TTLL1: variants seen among roughly 807,000 people sequenced by gnomAD.
TTLL1 encodes TTL family tubulin polyglutamylase complex subunit L1.
A neutral mutation model predicts 47.8 loss-of-function variants in TTLL1; 33 were observed. That is an observed-to-expected ratio of 0.69 (90% CI 0.52 to 0.92). The LOEUF (loss-of-function observed/expected upper bound fraction) is 0.92. Ranked by LOEUF, TTLL1 falls within the 40% of genes least tolerant of loss-of-function variation. TTLL1 has a pLI of 0.00. For missense variants in TTLL1, 488 were observed against 547.5 expected (o/e 0.89, Z 1.08); for synonymous variants, 225 against 214.1 (o/e 1.05, Z -0.45).
In TTLL1 at chr22:43,046,379, A is replaced by G. The variant is rs561672917; in HGVS notation, c.1142+31T>C. On this transcript the variant is annotated intron_variant, in intron 10 of 10. Coordinates refer to ENST00000266254, the MANE Select transcript of TTLL1 (RefSeq NM_012263.5). ...GGCACACGCCATTCGGAAACACAGA[A>G]GGACAAGCGCACAGTCACACACACA... 84 of 1,608,710 alleles carry G rather than the reference A, an allele frequency of 5.2e-5. 1 individual carries two copies. The Middle Eastern group carries it at 8.3e-4, about 16-fold the overall frequency.
At chr22:43,089,173 T>C (rs988132386) in intron 1 of TTLL1, 104 bp downstream of exon 1, 1 of 152,176 alleles carries the variant, frequency 6.6e-6, no homozygotes, top group Non-Finnish European at 1.5e-5. Context: ...CGCAGCCGCG[T>C]AGACACTGGC....
At chr22:43,071,702 G>A (rs551954216) in intron 3 of TTLL1, among the ~76,000 whole-genome samples, 3 of 152,334 alleles carry the variant, frequency 2.0e-5, no homozygotes, top group East Asian at 1.9e-4. Context: ...GAGCCACCAT[G>A]CCGGCCTATA....
Position 43,039,821 on chromosome 22 carries a change from G to T in TTLL1, c.1227C>A (p.Gly409=), listed in dbSNP as rs746533335. The T allele has an allele frequency of 3.8e-5, 62 of 1,613,898 alleles. No individual in the cohort carries two copies. In the South Asian group the frequency reaches 6.3e-4, roughly 16 times the overall value. ...CCGCTCTCCCCGAGTCTCTCGATCG[G>T]CCTGCTCTGGGCCCCAGAGACTGAC... ...RQGQSLGPRA[G]RSRDSGRAVL... The change falls in exon 11 of 11, where the codon GGC becomes GGA. Residue 409 remains glycine (G), a synonymous_variant. Coordinates refer to ENST00000266254, the MANE Select transcript of TTLL1 (RefSeq NM_012263.5).
At chr22:43,046,352 A>G in intron 10 of TTLL1, 58 bp downstream of exon 10, 1 of 1,595,974 alleles carries the variant, frequency 6.3e-7, no homozygotes, top group Non-Finnish European at 8.6e-7. Context: ...AAGCTGGGCT[A>G]TGGCACACGC....
intron 3 of TTLL1, among the ~76,000 whole-genome samples, chr22:43,071,087 T>C (rs548019183): frequency 1.6e-4 from 24 of 152,108 alleles, no homozygotes; most frequent in South Asian, 4.2e-4. Flanking sequence ...TAAATTTTTA[T>C]AATTTTTTTT....
intron 8 of TTLL1, among the ~76,000 whole-genome samples, chr22:43,053,835 G>C (rs915640281): frequency 6.6e-6 from 1 of 152,256 alleles, no homozygotes; most frequent in African/African-American, 2.4e-5. Flanking sequence ...GCACCTGCCA[G>C]AGGGCCAGGC....
At chr22:43,072,303 G>A (rs1416871460) in intron 3 of TTLL1, among the ~76,000 whole-genome samples, 2 of 151,514 alleles carry the variant, frequency 1.3e-5, no homozygotes, top group African/African-American at 4.9e-5. Context: ...ACCGGCACTC[G>A]CCACCACGCC....
At chr22:43,079,437 G>A (rs1928738957) in intron 2 of TTLL1, among the ~76,000 whole-genome samples, 1 of 152,234 alleles carries the variant, frequency 6.6e-6, no homozygotes, top group Admixed American at 6.5e-5. Context: ...CACACCCGCA[G>A]ACACGGGGCC....
rs189658737 is a variant in TTLL1, at chr22:43,042,390, G to C, written c.1143-2485C>G. 1.9e-3 allele frequency among the ~76,000 whole-genome samples: 297 copies of C among 152,370 alleles called. 2 individuals carry two copies. The highest frequency in any genetic ancestry group is 6.8e-3 in the Middle Eastern group (2 of 294). The stretch of plus-strand genomic sequence containing the variant: ...CAACGCAGAGGAGAATCAGAGCCAA[G>C]ATGGCTCTTCGAAGTTCCTGTTCTA... On this transcript the variant is annotated intron_variant, in intron 10 of 10. Transcript: ENST00000266254.
intron 7 of TTLL1, among the ~76,000 whole-genome samples, chr22:43,062,549 G>A (rs115284126): frequency 0.011 from 1,659 of 151,694 alleles, 34 homozygotes; most frequent in African/African-American, 0.038. Flanking sequence ...ATTATTTAAC[G>A]CCAGGCGCAG....
At position 43,064,304 on chromosome 22, in the gene TTLL1, T is replaced by C; in HGVS notation, c.524A>G (p.Lys175Arg). ...KTSSFVSQSNKEAYVISLYIN... is the reference protein window; with the variant it reads ...KTSSFVSQSNREAYVISLYIN... ...ATAGAGAGAGATCACGTAGGCTTCC[T>C]TATTAGATTGAGACACAAACCTAAA... Residue 175 changes from lysine to arginine, a missense_variant, in exon 6 of 11, where the codon AAG (lysine) becomes AGG (arginine). Lys to Arg is a conservative substitution (Grantham distance 26). Transcript: ENST00000266254. The C allele has an allele frequency of 6.2e-7, 1 of 1,612,590 alleles. No homozygotes were observed. The highest frequency in any genetic ancestry group is 8.5e-7 in the Non-Finnish European group (1 of 1,179,640).
chr22:43,088,743 AATG>A (rs1276039491), intron 1 of TTLL1, among the ~76,000 whole-genome samples: 4 of 152,178 alleles, frequency 2.6e-5, no homozygotes, highest in Non-Finnish European at 4.4e-5. Flanking sequence ...AAGGGCTAAC[AATG>A]ATAAGATACT....
chr22:43,075,691 T>G, intron 2 of TTLL1, 101 bp from the exon 3 acceptor site: 7 of 971,908 alleles, frequency 7.2e-6, no homozygotes, highest in South Asian at 1.4e-5. Context: ...AAACTCGATC[T>G]TACCCCGGCA....
At chr22:43,081,066 T>G (rs927274108) in intron 1 of TTLL1, among the ~76,000 whole-genome samples, 5 of 151,478 alleles carry the variant, frequency 3.3e-5, no homozygotes, top group African/African-American at 1.2e-4. Flanking sequence ...CAGGAGCCCA[T>G]CACCACGCCT....
intron 7 of TTLL1, among the ~76,000 whole-genome samples, chr22:43,063,472 T>TC (rs1927520503): frequency 1.3e-5 from 2 of 151,962 alleles, no homozygotes; most frequent in South Asian, 4.2e-4. Flanking sequence ...CTTTTTTTTT[T>TC]TTTTTTCTTT....
chr22:43,065,735 C>T (rs760401396), intron 5 of TTLL1, among the ~76,000 whole-genome samples: 1 of 152,054 alleles, frequency 6.6e-6, no homozygotes, highest in East Asian at 1.9e-4. Flanking sequence ...TGCCACGACA[C>T]CCAGCTAATC....
intron 3 of TTLL1, 198 bp from the exon 4 acceptor site, chr22:43,070,042 G>T: frequency 8.5e-7 from 1 of 1,182,798 alleles, no homozygotes; most frequent in East Asian, 2.6e-5. Context: ...CCCAAGTGGT[G>T]TGAGGGCCAG....
intron 9 of TTLL1, among the ~76,000 whole-genome samples, chr22:43,048,472 CAAA>C (rs35821474): frequency 1.7e-4 from 22 of 131,532 alleles, no homozygotes; most frequent in East Asian, 4.5e-4. Context: ...CCATCTCTAC[CAAA>C]AAAAAAAAAA....
At chr22:43,068,162 C>A (rs1194823081) in intron 5 of TTLL1, among the ~76,000 whole-genome samples, 1 of 150,124 alleles carries the variant, frequency 6.7e-6, no homozygotes, top group Non-Finnish European at 1.5e-5. Flanking sequence ...TAAAAAAATA[C>A]AAAAATTAGC....
Sources: gnomAD v4.1 joint callset for allele counts (sites outside exome capture counted in the v4.1 genomes callset) on GRCh38, gnomAD v4.1.1 for gene constraint, MANE v1.5 for transcripts, NCBI Gene and HGNC (gene_info 2026-07-23, HGNC 2026-07-21) for gene names.